Variants in DMBT1 observed in about 807,000 individuals in gnomAD.
DMBT1 encodes the protein scavenger receptor cysteine-rich domain-containing protein DMBT1.
A neutral mutation model predicts 252.9 loss-of-function variants in DMBT1; 198 were observed. That is an observed-to-expected ratio of 0.78 (90% CI 0.70 to 0.88). DMBT1 has a LOEUF of 0.88. DMBT1 is among the 40% of genes least tolerant of loss of function. DMBT1 has a pLI of 0.00. For synonymous variants in DMBT1, 990 were observed against 942.7 expected (o/e 1.05, Z -0.92); for missense variants, 2,432 against 2,404.7 (o/e 1.01, Z -0.24).
chr10:122,634,396 C>CTTT (rs1023651409), intron 52 of DMBT1, among the ~76,000 whole-genome samples: 1 of 133,654 alleles, frequency 7.5e-6, no homozygotes, highest in South Asian at 2.7e-4. Flanking sequence ...TTCTTTCTTT[C>CTTT]TTTCTTTTCT....
Position 122,637,188 on chromosome 10 carries a change from T to C in DMBT1, c.6818T>C (p.Leu2273Ser), listed in dbSNP as rs754612360. The C allele has an allele frequency of 8.7e-6, 14 of 1,613,922 alleles. No individual in the cohort carries two copies. The highest frequency in any genetic ancestry group is 9.3e-6 in the Non-Finnish European group (11 of 1,179,904). ...GTGAGCAGGAGCTATCTCCAATCCTTGGGCTTTTCTGCCAGTGACCTTGTC... is the reference window on the plus strand; with the variant it reads ...GTGAGCAGGAGCTATCTCCAATCCTCGGGCTTTTCTGCCAGTGACCTTGTC... Reference protein sequence around the residue: ...ASVSRSYLQSLGFSASDLVIS... With the variant: ...ASVSRSYLQSSGFSASDLVIS... The change falls in exon 54 of 56, where the codon TTG (leucine) becomes TCG (serine). Residue 2273 changes from leucine to serine, a missense_variant. By Grantham distance (145) the Leu-to-Ser change is moderately radical (BLOSUM62 -2). Coordinates refer to ENST00000338354, the MANE Select transcript of DMBT1 (RefSeq NM_001377530.1).
chr10:122,599,367 C>G (rs1387389599), intron 26 of DMBT1, among the ~76,000 whole-genome samples: 1 of 152,102 alleles, frequency 6.6e-6, no homozygotes, highest in Admixed American at 6.6e-5. Flanking sequence ...GTGCTGGCTC[C>G]CCAGGGCTCC....
rs374909472 is a variant in DMBT1, at chr10:122,579,858, C to T, written c.960C>T (p.Thr320=). Reference sequence around the variant, plus strand: ...GCTGCCCCCACAATGGCTGGCTCACCCACAACTGTGGCCATAGTGAAGACG... The same window carrying T: ...GCTGCCCCCACAATGGCTGGCTCACTCACAACTGTGGCCATAGTGAAGACG... ...LWSCPHNGWL[T]HNCGHSEDAG... Residue 320 remains threonine, a synonymous_variant, in exon 10 of 56, where the codon ACC becomes ACT. Transcript: ENST00000338354. 6 of 1,613,706 alleles carry T rather than the reference C, an allele frequency of 3.7e-6. No homozygotes were observed. The African/African-American group carries it at 4.0e-5, about 11-fold the overall frequency.
intron 1 of DMBT1, among the ~76,000 whole-genome samples, chr10:122,565,319 T>C (rs1466099899): frequency 6.6e-6 from 1 of 152,212 alleles, no homozygotes; most frequent in Non-Finnish European, 1.5e-5. Flanking sequence ...TATCCTTTTT[T>C]TTAAATGAAT....
At position 122,567,478 on chromosome 10, in the gene DMBT1, C is replaced by T. The variant is rs1420957705; in HGVS notation, c.91+1482C>T. Among the ~76,000 whole-genome samples, 4 of 152,182 alleles carry T rather than the reference C, an allele frequency of 2.6e-5. No homozygotes were observed. In the East Asian group the frequency reaches 7.7e-4, roughly 29 times the overall value. ...TGGGGATACCCTGAAGATGGTCCAG[C>T]TGGCCTTTCCTCCCTCTGGGAGGAA... is the stretch of plus-strand genomic sequence containing the variant. On this transcript the variant is annotated intron_variant, in intron 2 of 55. Coordinates refer to ENST00000338354, the MANE Select transcript of DMBT1 (RefSeq NM_001377530.1).
intron 44 of DMBT1, among the ~76,000 whole-genome samples, chr10:122,622,020 G>C (rs1231338839): frequency 1.3e-5 from 2 of 152,188 alleles, no homozygotes; most frequent in Non-Finnish European, 2.9e-5. Context: ...AGATCACACA[G>C]GGGATTTTTG....
At chr10:122,581,034 A>G in intron 11 of DMBT1, 139 bp downstream of exon 11, 1 of 1,441,410 alleles carries the variant, frequency 6.9e-7, no homozygotes, top group Admixed American at 2.0e-5. Flanking sequence ...CGGCTGTGTA[A>G]CTGAGATCCC....
intron 44 of DMBT1, among the ~76,000 whole-genome samples, chr10:122,623,565 T>C (rs538118092): frequency 2.7e-4 from 41 of 152,336 alleles, no homozygotes; most frequent in African/African-American, 8.7e-4. Flanking sequence ...CACCAACACT[T>C]GTTATGATGT....
intron 6 of DMBT1, 43 bp downstream of exon 6, chr10:122,573,805 C>A: frequency 1.9e-6 from 3 of 1,602,214 alleles, no homozygotes; most frequent in South Asian, 1.1e-5. Flanking sequence ...CATTACCCCC[C>A]TGCACCCCTA....
intron 16 of DMBT1, 124 bp downstream of exon 16, chr10:122,586,507 G>C: frequency 1.4e-6 from 2 of 1,419,910 alleles, no homozygotes; most frequent in Non-Finnish European, 1.9e-6. Context: ...TACCTCCTTA[G>C]CTCTCTCCTA....
chr10:122,560,885 G>A, intron 1 of DMBT1, 54 bp downstream of exon 1: 4 of 1,359,470 alleles, frequency 2.9e-6, no homozygotes, highest in Non-Finnish European at 4.1e-6. Context: ...ACCCAATCAT[G>A]GCAAATTATA....
In DMBT1 at chr10:122,643,365, G is replaced by A; in HGVS notation, c.7596G>A (p.Gln2532=). The A allele has an allele frequency of 6.2e-7, 1 of 1,613,858 alleles. No homozygotes were observed. The highest frequency in any genetic ancestry group is 8.5e-7 in the Non-Finnish European group (1 of 1,179,836). ...TCGTCCTGGGTCCCATCCAGCTGCA[G>A]ACCCCCCCACGCCGAGAAGAGGAGC... The part of the protein sequence containing the change: ...VDVVLGPIQL[Q]TPPRREEEPR The change falls in exon 56 of 56, where the codon CAG becomes CAA. Residue 2532 remains glutamine, a synonymous_variant. Coordinates refer to ENST00000338354, the MANE Select transcript of DMBT1 (RefSeq NM_001377530.1).
chr10:122,597,521 C>A (rs2097894039), intron 24 of DMBT1, among the ~76,000 whole-genome samples: 1 of 152,202 alleles, frequency 6.6e-6, no homozygotes, highest in African/African-American at 2.4e-5. Flanking sequence ...TTCTGCAGGG[C>A]TACATGTGCA....
At chr10:122,585,786 C>G (rs1282980084) in intron 15 of DMBT1, among the ~76,000 whole-genome samples, 3 of 148,598 alleles carry the variant, frequency 2.0e-5, no homozygotes, top group Non-Finnish European at 4.5e-5. Flanking sequence ...CTGTGTAGCT[C>G]CATCCTGTGT....
At chr10:122,632,132 TCA>T (rs1237191144) in intron 50 of DMBT1, among the ~76,000 whole-genome samples, 1 of 152,108 alleles carries the variant, frequency 6.6e-6, no homozygotes, top group African/African-American at 2.4e-5. Context: ...TTGACTGTCC[TCA>T]CAGACACCAG....
intron 3 of DMBT1, 122 bp downstream of exon 3, chr10:122,570,331 C>A: frequency 2.3e-6 from 2 of 868,120 alleles, no homozygotes; most frequent in East Asian, 2.5e-5. Flanking sequence ...AGTGTTTGGG[C>A]TGACTGAACC....
Position 122,618,148 on chromosome 10 carries a change from G to C in DMBT1, c.5023G>C (p.Val1675Leu), listed in dbSNP as rs761943078. The C allele has an allele frequency of 6.2e-7, 1 of 1,613,990 alleles. No individual in the cohort carries two copies. ...CTGGGACACCAATGATGCCAACGTGGTCTGCAGGCAGCTGGGCTGTGGCTG... is the reference window on the plus strand; with the variant it reads ...CTGGGACACCAATGATGCCAACGTGCTCTGCAGGCAGCTGGGCTGTGGCTG... ...DYWDTNDANV[V>L]CRQLGCGWAM... The change falls in exon 41 of 56, where the codon GTC becomes CTC. Residue 1675 changes from valine (V) to leucine (L), a missense_variant. Physicochemically the swap from Val to Leu is conservative, Grantham distance 32. Around this residue, in one of 3 missense-constraint regions of DMBT1, gnomAD observed 1,162 missense variants for 1,169.0 expected, o/e 0.99. Coordinates refer to ENST00000338354, the MANE Select transcript of DMBT1 (RefSeq NM_001377530.1).
intron 55 of DMBT1, among the ~76,000 whole-genome samples, chr10:122,641,041 C>G (rs1844441372): frequency 6.6e-6 from 1 of 152,148 alleles, no homozygotes; most frequent in Admixed American, 6.5e-5. Flanking sequence ...GGTGGTCCAC[C>G]AGGAATGTGC....
intron 14 of DMBT1, 26 bp from the exon 15 acceptor site, chr10:122,585,245 A>G: frequency 6.3e-7 from 1 of 1,584,498 alleles, no homozygotes; most frequent in African/African-American, 1.3e-5. Context: ...CTTTAATTCT[A>G]GCCTTTGTCT....
Sources: gnomAD v4.1 joint callset for allele counts (sites outside exome capture counted in the v4.1 genomes callset) on GRCh38, gnomAD v4.1.1 for gene constraint, gnomAD v4.1.1 regional missense constraint, MANE v1.5 for transcripts, NCBI Gene and HGNC (gene_info 2026-07-23, HGNC 2026-07-21) for gene names.